EMILIN2: variants seen among roughly 807,000 people sequenced by gnomAD.
EMILIN2 encodes elastin microfibril interfacer 2, also known as EMILIN-2.
A neutral mutation model predicts 87.1 loss-of-function variants in EMILIN2; 71 were observed. The observed-to-expected ratio is 0.82, with a 90% CI of 0.67 to 0.99. The LOEUF is 0.99. Among genes scored for constraint, EMILIN2 ranks in the 50% least tolerant of loss-of-function variants. EMILIN2 has a pLI of 0.00. For synonymous variants in EMILIN2, 581 were observed against 563.4 expected (o/e 1.03, Z -0.44); for missense variants, 1,407 against 1,371.8 (o/e 1.03, Z -0.40).
intron 2 of EMILIN2, among the ~76,000 whole-genome samples, chr18:2,875,106 G>C (rs2076740734): frequency 6.6e-6 from 1 of 152,224 alleles, no homozygotes; most frequent in African/African-American, 2.4e-5. Flanking sequence ...AGGGAGGGGT[G>C]CCGGTGCTGC....
At position 2,880,090 on chromosome 18, in the gene EMILIN2, G is replaced by A. The variant is rs2076769306; in HGVS notation, c.258-4874G>A. On this transcript the variant is annotated intron_variant, in intron 2 of 7. Coordinates refer to ENST00000254528, the MANE Select transcript of EMILIN2 (RefSeq NM_032048.3). This position sits in a 1 kb window ranked among gnomAD's most constrained non-coding sequence, Gnocchi z 4.1. Reference sequence around the variant, plus strand: ...TCCTCATGGGGCTTACAGTCTGGCAGGGAGGACAAACACGGAGTAAGCAAA... The same window carrying A: ...TCCTCATGGGGCTTACAGTCTGGCAAGGAGGACAAACACGGAGTAAGCAAA... Among the ~76,000 whole-genome samples the A allele has an allele frequency of 6.6e-6, 1 of 152,186 alleles. No homozygotes were observed. Among genetic ancestry groups the A allele is most frequent in the African/African-American group, 2.4e-5 (1 of 41,456 alleles).
chr18:2,884,786 CTGAGTTAGGCTGA>C (rs577303519), intron 2 of EMILIN2, among the ~76,000 whole-genome samples, 165 bp from the exon 3 acceptor site: 119 of 152,298 alleles, frequency 7.8e-4, no homozygotes, highest in African/African-American at 2.7e-3. Context: ...TGAGGCTGAT[CTGAGTTAGGCTGA>C]ACCCCCCAGT....
intron 2 of EMILIN2, among the ~76,000 whole-genome samples, chr18:2,860,135 T>G (rs981331905): frequency 7.9e-5 from 12 of 152,224 alleles, no homozygotes; most frequent in African/African-American, 2.7e-4. Context: ...GGGAATTGCA[T>G]TGAATTTGTA....
chr18:2,889,676 CTTCTTTTTTTCTT>C (rs1419347840), intron 3 of EMILIN2, among the ~76,000 whole-genome samples: 1 of 129,028 alleles, frequency 7.8e-6, no homozygotes, highest in Admixed American at 7.8e-5. Context: ...TTGCATTCTT[CTTCTTTTTTTCTT>C]TTCTTTTTTT....
intron 2 of EMILIN2, among the ~76,000 whole-genome samples, chr18:2,876,061 A>G (rs1020328964): frequency 6.7e-6 from 1 of 148,360 alleles, no homozygotes; most frequent in Non-Finnish European, 1.5e-5. Flanking sequence ...AGCTCACTGC[A>G]ACCTCTGCCT....
In EMILIN2 at chr18:2,884,948, TC is replaced by T; in HGVS notation, c.258-13del. ...CGGCAGCCAGTAAAGAGAGATGCCA[TC>T]CCTTCTGTCCACAGGTATCGAGTGA... On this transcript the variant is annotated splice_polypyrimidine_tract_variant and intron_variant, in intron 2 of 7. Coordinates refer to ENST00000254528, the MANE Select transcript of EMILIN2 (RefSeq NM_032048.3). 1 of 1,566,140 alleles carries T rather than the reference TC, an allele frequency of 6.4e-7. No homozygotes were observed. The highest frequency in any genetic ancestry group is 1.2e-5 in the South Asian group (1 of 84,560).
At chr18:2,846,526 T>C (rs2076574192), upstream of EMILIN2, among the ~76,000 whole-genome samples, 1 of 152,162 alleles carries the variant, frequency 6.6e-6, no homozygotes, top group Non-Finnish European at 1.5e-5. The surrounding 1 kb of genome is among the most constrained non-coding windows in gnomAD (Gnocchi z 5.3). Flanking sequence ...CCAGCGTTCG[T>C]TTCCTCCTGG....
chr18:2,888,693 C>T (rs1014878399), intron 3 of EMILIN2, among the ~76,000 whole-genome samples: 3 of 125,510 alleles, frequency 2.4e-5, no homozygotes, highest in Non-Finnish European at 4.8e-5. Flanking sequence ...CCAGCCTGGG[C>T]AACAGAGGGA....
intron 4 of EMILIN2, among the ~76,000 whole-genome samples, chr18:2,901,853 G>C (rs972407553): frequency 2.2e-4 from 34 of 152,214 alleles, no homozygotes; most frequent in Non-Finnish European, 8.8e-5. Context: ...AGAGCTAGGA[G>C]AGGCCAGGGC....
chr18:2,911,956 AG>A (rs1295384155), intron 7 of EMILIN2, among the ~76,000 whole-genome samples: 9 of 151,864 alleles, frequency 5.9e-5, no homozygotes, highest in African/African-American at 1.9e-4. Flanking sequence ...TGCTGTTCAA[AG>A]TTGGGAAGGG....
chr18:2,867,495 C>A (rs677518), intron 2 of EMILIN2, among the ~76,000 whole-genome samples: 2 of 152,180 alleles, frequency 1.3e-5, no homozygotes, highest in South Asian at 2.1e-4. Flanking sequence ...GAGGACCCTG[C>A]GGCCTTCCGC....
At position 2,847,094 on chromosome 18, in the gene EMILIN2, C is replaced by T; in HGVS notation, c.-95C>T. 1.9e-6 allele frequency: 2 copies of T among 1,072,646 alleles called. No individual in the cohort carries two copies. Among genetic ancestry groups the T allele is most frequent in the Non-Finnish European group, 2.3e-6 (2 of 879,620 alleles). 66.4% of individuals were successfully genotyped at this position (1,072,646 alleles called of 1,614,324 possible). On this transcript the variant is annotated 5_prime_UTR_variant, in exon 1 of 8. Coordinates refer to ENST00000254528, the MANE Select transcript of EMILIN2 (RefSeq NM_032048.3). This position sits in a 1 kb window ranked among gnomAD's most constrained non-coding sequence, Gnocchi z 4.5. ...GAAGCGCCCGAGCCTCTTGCCTTCG[C>T]GGGCGGCGCCCTGGCCGCCGGCAGC... is the stretch of plus-strand genomic sequence containing the variant.
Position 2,892,397 on chromosome 18 carries a change from G to C in EMILIN2, c.2270G>C (p.Gly757Ala). ...TLRSHSRDIS[G>A]LKNSVQQFYS... ...AGGTCGCATTCCAGAGACATTTCTG[G>C]CCTGAAGAATTCAGTCCAGCAGTTC... Residue 757 changes from glycine (G) to alanine (A), a missense_variant, in exon 4 of 8, where the codon GGC becomes GCC. Coordinates refer to ENST00000254528, the MANE Select transcript of EMILIN2 (RefSeq NM_032048.3). 6.2e-7 allele frequency: 1 copy of C among 1,614,056 alleles called. No individual in the cohort carries two copies.
chr18:2,860,931 T>A (rs1368396552), intron 2 of EMILIN2, among the ~76,000 whole-genome samples: 3 of 152,256 alleles, frequency 2.0e-5, no homozygotes, highest in East Asian at 1.9e-4. Context: ...ATTGCCGTTC[T>A]AACTGGTGTG....
In EMILIN2 at chr18:2,908,975, G is replaced by C; in HGVS notation, c.2695G>C (p.Gly899Arg). 6.2e-7 allele frequency: 1 copy of C among 1,613,364 alleles called. No individual in the cohort carries two copies. Among genetic ancestry groups the C allele is most frequent in the Non-Finnish European group, 8.5e-7 (1 of 1,180,008 alleles). The change falls in exon 6 of 8, where the codon GGA becomes CGA. Residue 899 changes from glycine (G) to arginine (R), a missense_variant and splice_region_variant. Transcript: ENST00000254528. ...GAAGTCACCTCCTGTAGCTTCCCCA[G>C]GTATGTCTGCTGAGAGACCAGGAGC... Reference protein sequence around the residue: ...YPKSPPVASPGAPVPSLVSFS... With the variant: ...YPKSPPVASPRAPVPSLVSFS...
chr18:2,856,943 T>C (rs1320276235), intron 2 of EMILIN2, among the ~76,000 whole-genome samples: 1 of 152,196 alleles, frequency 6.6e-6, no homozygotes, highest in Admixed American at 6.5e-5. Context: ...CAGTAAGTTT[T>C]CTTCTTTCCT....
intron 4 of EMILIN2, among the ~76,000 whole-genome samples, chr18:2,899,795 C>G (rs767813489): frequency 1.3e-5 from 2 of 152,148 alleles, no homozygotes; most frequent in African/African-American, 2.4e-5. Flanking sequence ...TGAGCCACCG[C>G]GCGCGGCCCA....
rs1598499540 is a variant in EMILIN2, at chr18:2,891,365, A to T, written c.1238A>T (p.Asp413Val). ...GDIGQQIKTL[D>V]QKIERVAEAT... ...ATTGGTCAACAGATCAAGACATTGG[A>T]CCAGAAAATCGAGAGAGTTGCTGAA... Residue 413 changes from aspartate to valine, a missense_variant, in exon 4 of 8, where the codon GAC (aspartate) becomes GTC (valine). Transcript: ENST00000254528. The surrounding 1 kb of genome is among the most constrained non-coding windows in gnomAD (Gnocchi z 4.6). 1.2e-6 allele frequency: 2 copies of T among 1,614,222 alleles called. No homozygotes were observed. Among genetic ancestry groups the T allele is most frequent in the East Asian group, 4.5e-5 (2 of 44,890 alleles).
chr18:2,910,496 A>C (rs1027443248), intron 7 of EMILIN2, among the ~76,000 whole-genome samples: 27 of 152,164 alleles, frequency 1.8e-4, no homozygotes, highest in African/African-American at 6.5e-4. Context: ...CCAAGGAAAC[A>C]GGGTCCAGGG....
Sources: allele counts gnomAD v4.1 joint callset (sites outside exome capture counted in the v4.1 genomes callset), GRCh38; gene constraint gnomAD v4.1.1; non-coding constraint Gnocchi (gnomAD v3.1); transcripts MANE v1.5; gene names NCBI Gene and HGNC (gene_info 2026-07-23, HGNC 2026-07-21).